SIRPB1: variants seen among roughly 807,000 people sequenced by gnomAD.
The protein encoded by SIRPB1 is signal regulatory protein beta 1, also known as signal-regulatory protein beta-1.
SIRPB1 carries 28 observed loss-of-function variants against 34.1 expected under a neutral mutation model. The ratio of observed to expected loss-of-function variants is 0.82; its 90% CI spans 0.61 to 1.12. SIRPB1 has a LOEUF of 1.12. Among genes scored for constraint, SIRPB1 ranks in the 50% most tolerant of loss-of-function variants. SIRPB1 has a pLI of 0.00. For synonymous variants in SIRPB1, 211 were observed against 203.8 expected (o/e 1.04, Z -0.30); for missense variants, 499 against 507.0 (o/e 0.98, Z 0.15).
chr20:1,603,673 G>T, intron 1 of SIRPB1: 1 of 259,854 alleles, frequency 3.8e-6, no homozygotes, highest in Non-Finnish European at 6.0e-6. Context: ...GACTCTTGGA[G>T]GGTGAGATTT....
At position 1,562,977 on chromosome 20, in the gene SIRPB1, T is replaced by C. The variant is rs2091092510; in HGVS notation, c.*2523A>G. ...GCAATGTAGACCCTGATGCAGGAACTTCAGATAGGCAGCCAGAGGGAGGTA... is the reference window on the plus strand; with the variant it reads ...GCAATGTAGACCCTGATGCAGGAACCTCAGATAGGCAGCCAGAGGGAGGTA... On this transcript the variant is annotated 3_prime_UTR_variant, in exon 6 of 6. Transcript: ENST00000381605. Among the ~76,000 whole-genome samples the C allele has an allele frequency of 1.3e-5, 2 of 152,168 alleles. No individual in the cohort carries two copies. Among genetic ancestry groups the C allele is most frequent in the South Asian group, 4.1e-4 (2 of 4,834 alleles).
intron 2 of SIRPB1, 21 bp from the exon 3 acceptor site, chr20:1,572,058 A>G (rs762282224): frequency 2.5e-6 from 4 of 1,613,848 alleles, no homozygotes; most frequent in Admixed American, 3.3e-5. Flanking sequence ...ACCATCGATA[A>G]TCAGGAGACA....
chr20:1,613,726 A>C (rs552170497), intron 1 of SIRPB1, among the ~76,000 whole-genome samples: 5 of 152,354 alleles, frequency 3.3e-5, no homozygotes, highest in Non-Finnish European at 7.3e-5. Context: ...CACAGAATCT[A>C]AGGGAATTGT....
At chr20:1,579,806 A>G (rs2091376514) in intron 1 of SIRPB1, among the ~76,000 whole-genome samples, 1 of 148,330 alleles carries the variant, frequency 6.7e-6, no homozygotes. Flanking sequence ...AACGTCAAAT[A>G]CACAAAGATA....
rs1038973572 is a variant in SIRPB1 at position 1,582,966 on chromosome 20, A to G, written c.77-4272T>C. ...GGCACATAGCAGGTATTCATCAAAT[A>G]TGTGTATAATGTGTGAATTGCTTAG... On this transcript the variant is annotated intron_variant, in intron 1 of 5. Transcript: ENST00000381605. Among the ~76,000 whole-genome samples, 2 of 49,298 alleles carry G rather than the reference A, an allele frequency of 4.1e-5. 1 individual carries two copies. Among genetic ancestry groups the G allele is most frequent in the Non-Finnish European group, 7.8e-5 (2 of 25,554 alleles). 32.3% of individuals were successfully genotyped at this position (49,298 alleles called of 152,430 possible).
Position 1,580,578 on chromosome 20 carries a change from C to T in SIRPB1, c.77-1884G>A, listed in dbSNP as rs2746604. Among the ~76,000 whole-genome samples the T allele has an allele frequency of 1.7e-4, 8 of 48,110 alleles. 4 individuals are homozygous for T. The highest frequency in any genetic ancestry group is 1.2e-3 in the East Asian group (2 of 1,690). The allele number at this position is 48,110 out of a possible 152,430, so 31.6% of individuals were successfully genotyped here. ...AGGGGTCCCCCCAATGGGTATAAGC[C>T]GGTGGAAGAATAATCAGAAAACTGG... On this transcript the variant is annotated intron_variant, in intron 1 of 5. Transcript: ENST00000381605.
intron 3 of SIRPB1, 113 bp downstream of exon 3, chr20:1,571,607 G>A (rs554092713): frequency 4.7e-6 from 7 of 1,492,398 alleles, no homozygotes; most frequent in African/African-American, 2.8e-5. Context: ...CATGGGAGGT[G>A]GACAACACAG....
rs2091094862 is a variant in SIRPB1, at chr20:1,563,357, G to C, written c.*2143C>G. Among the ~76,000 whole-genome samples the C allele has an allele frequency of 6.6e-6, 1 of 152,104 alleles. No homozygotes were observed. Among genetic ancestry groups the C allele is most frequent in the African/African-American group, 2.4e-5 (1 of 41,382 alleles). On this transcript the variant is annotated 3_prime_UTR_variant, in exon 6 of 6. Transcript: ENST00000381605. ...AAAAATACAAAATTAGCTGGGTGTG[G>C]TGGTACATGCCTGTAATCCCAGCTA... is the stretch of plus-strand genomic sequence containing the variant.
At position 1,609,704 on chromosome 20, in the gene SIRPB1, T is replaced by C. The variant is rs543699455; in HGVS notation, c.76+10165A>G. On this transcript the variant is annotated intron_variant, in intron 1 of 5. Coordinates refer to ENST00000381605, the MANE Select transcript of SIRPB1 (RefSeq NM_006065.5). ...ATCTGAGCACTCTGGGAGGCTAAAG[T>C]GGGTGGATCACCTGAGGTTGAGAGT... 2.1e-3 allele frequency among the ~76,000 whole-genome samples: 150 copies of C among 72,776 alleles called. 66 individuals are homozygous for C. The highest frequency in any genetic ancestry group is 0.013 in the African/African-American group (145 of 11,512). The allele number at this position is 72,776 out of a possible 152,430, so 47.7% of individuals were successfully genotyped here.
intron 4 of SIRPB1, among the ~76,000 whole-genome samples, chr20:1,568,469 G>T (rs2091175035): frequency 6.6e-6 from 1 of 152,210 alleles, no homozygotes; most frequent in Non-Finnish European, 1.5e-5. Flanking sequence ...CCAGTGGGTG[G>T]TTGGAAGTCT....
intron 1 of SIRPB1, among the ~76,000 whole-genome samples, chr20:1,617,579 G>A (rs1234821401): frequency 6.6e-6 from 1 of 152,186 alleles, no homozygotes; most frequent in Non-Finnish European, 1.5e-5. Flanking sequence ...CAAAATTTCA[G>A]TTTAGTTAGG....
At position 1,562,759 on chromosome 20, in the gene SIRPB1, C is replaced by A. The variant is rs2091090972; in HGVS notation, c.*2741G>T. Among the ~76,000 whole-genome samples, 1 of 152,170 alleles carries A rather than the reference C, an allele frequency of 6.6e-6. No homozygotes were observed. Among genetic ancestry groups the A allele is most frequent in the Non-Finnish European group, 1.5e-5 (1 of 68,032 alleles). On this transcript the variant is annotated 3_prime_UTR_variant, in exon 6 of 6. Transcript: ENST00000381605. The stretch of plus-strand genomic sequence containing the variant: ...CCCTATGGCTCTCCTACTCAAACAG[C>A]AAATCCTATAGTTGGGTTGCCTCCT...
Position 1,562,530 on chromosome 20 carries a change from T to G in SIRPB1, c.*2970A>C, listed in dbSNP as rs1306199159. Among the ~76,000 whole-genome samples the G allele has an allele frequency of 6.6e-6, 1 of 151,780 alleles. No individual in the cohort carries two copies. Among genetic ancestry groups the G allele is most frequent in the Non-Finnish European group, 1.5e-5 (1 of 68,012 alleles). Reference sequence around the variant, plus strand: ...TCACTTTGGTGATGACATGCATGCATTTCTCTTACCATAGTTTAGTTAAGT... The same window carrying G: ...TCACTTTGGTGATGACATGCATGCAGTTCTCTTACCATAGTTTAGTTAAGT... On this transcript the variant is annotated 3_prime_UTR_variant, in exon 6 of 6. Coordinates refer to ENST00000381605, the MANE Select transcript of SIRPB1 (RefSeq NM_006065.5).
chr20:1,572,048 AC>A lies in SIRPB1; in HGVS notation c.434-12del. On this transcript the variant is annotated splice_polypyrimidine_tract_variant and intron_variant, in intron 2 of 5. Coordinates refer to ENST00000381605, the MANE Select transcript of SIRPB1 (RefSeq NM_006065.5). Reference sequence around the variant, plus strand: ...GGGCAGAGGGTTTGGCTACAAAAGGACCATCGATAATCAGGAGACATGACTC... The same window carrying A: ...GGGCAGAGGGTTTGGCTACAAAAGGACATCGATAATCAGGAGACATGACTC... 6.2e-7 allele frequency: 1 copy of A among 1,613,940 alleles called. No individual in the cohort carries two copies. The highest frequency in any genetic ancestry group is 8.5e-7 in the Non-Finnish European group (1 of 1,179,918).
chr20:1,566,025 T>C, intron 5 of SIRPB1, 128 bp downstream of exon 5: 1 of 621,018 alleles, frequency 1.6e-6, no homozygotes, highest in Admixed American at 2.7e-5. Context: ...CTGAGTATCC[T>C]GAGGGAGCCC....
At position 1,571,592 on chromosome 20, in the gene SIRPB1, A is replaced by G. The variant is rs1012741438; in HGVS notation, c.751+128T>C. On this transcript the variant is annotated intron_variant, in intron 3 of 5. Coordinates refer to ENST00000381605, the MANE Select transcript of SIRPB1 (RefSeq NM_006065.5). The stretch of plus-strand genomic sequence containing the variant: ...ATGATAGTAAGTGACCGGCTCACCT[A>G]GGTGCATGGGAGGTGGACAACACAG... The G allele has an allele frequency of 7.4e-6, 10 of 1,348,710 alleles. No homozygotes were observed. In the African/African-American group the frequency reaches 1.3e-4, roughly 18 times the overall value. 83.5% of individuals were successfully genotyped at this position (1,348,710 alleles called of 1,614,324 possible). A position where few individuals can be genotyped will look rare whatever the true frequency, so the allele number is the denominator to read the frequency against.
intron 2 of SIRPB1, among the ~76,000 whole-genome samples, chr20:1,577,138 C>G (rs1429188162): frequency 6.7e-6 from 1 of 148,426 alleles, no homozygotes; most frequent in Non-Finnish European, 1.5e-5. Context: ...GCTTTAGTAT[C>G]TGAATGTGAG....
rs1446087002 is a variant in SIRPB1 at position 1,592,583 on chromosome 20, G to C, written c.77-13889C>G. Among the ~76,000 whole-genome samples, 9 of 48,918 alleles carry C rather than the reference G, an allele frequency of 1.8e-4. 4 individuals are homozygous for C. Among genetic ancestry groups the C allele is most frequent in the Non-Finnish European group, 3.5e-4 (9 of 25,494 alleles). The allele number at this position is 48,918 out of a possible 152,430, so 32.1% of individuals were successfully genotyped here. The stretch of plus-strand genomic sequence containing the variant: ...TAGACATGATCAGACTTCTCAAATA[G>C]AGGGAGAAAATTTATGTGTTTTACG... On this transcript the variant is annotated intron_variant, in intron 1 of 5. Coordinates refer to ENST00000381605, the MANE Select transcript of SIRPB1 (RefSeq NM_006065.5).
intron 1 of SIRPB1, among the ~76,000 whole-genome samples, chr20:1,614,916 G>A (rs1404513476): frequency 6.6e-6 from 1 of 152,026 alleles, no homozygotes; most frequent in Non-Finnish European, 1.5e-5. Flanking sequence ...GTTGCCTTTT[G>A]GAGTGCTGCC....
Sources: allele counts gnomAD v4.1 joint callset (sites outside exome capture counted in the v4.1 genomes callset), GRCh38; gene constraint gnomAD v4.1.1; transcripts MANE v1.5; gene names NCBI Gene and HGNC (gene_info 2026-07-23, HGNC 2026-07-21).